The following ADK variants were observed in gnomAD, a reference collection of about 807,000 sequenced individuals.
ADK encodes adenosine kinase, also known as N6,N6-dimethyladenosine kinase.
ADK carries 24 observed loss-of-function variants against 44.7 expected under a neutral mutation model. The observed-to-expected ratio is 0.54, with a 90% confidence interval of 0.39 to 0.76. The LOEUF is 0.76. ADK is among the 30% of genes least tolerant of loss of function. ADK has a pLI of 0.00. For missense variants in ADK, 321 were observed against 425.1 expected, an observed-to-expected ratio of 0.76 and a Z score of 2.15; for synonymous variants, 128 against 142.6, an observed-to-expected ratio of 0.90 and a Z score of 0.73.
chr10:74,219,507 C>T (rs1844205534), intron 2 of ADK, among the ~76,000 whole-genome samples: 1 of 152,188 alleles, frequency 6.6e-6, no homozygotes, highest in Non-Finnish European at 1.5e-5. Flanking sequence ...CTCAGCTCTG[C>T]ACCAAGCAGA....
At chr10:74,206,775 T>C (rs1454940557) in intron 2 of ADK, among the ~76,000 whole-genome samples, 2 of 152,236 alleles carry the variant, frequency 1.3e-5, no homozygotes, top group African/African-American at 4.8e-5. Context: ...TTTGGATCAC[T>C]GTTTTTAAAA....
intron 6 of ADK, among the ~76,000 whole-genome samples, chr10:74,516,389 T>G (rs1848576288): frequency 6.6e-6 from 1 of 152,158 alleles, no homozygotes; most frequent in African/African-American, 2.4e-5. Context: ...CTACTCTTCC[T>G]TCACACTCCA....
intron 3 of ADK, among the ~76,000 whole-genome samples, chr10:74,250,367 A>G (rs1488202806): frequency 6.6e-6 from 1 of 152,196 alleles, no homozygotes; most frequent in African/African-American, 2.4e-5. Flanking sequence ...GTTCTTCATG[A>G]ACACACAGAA....
intron 3 of ADK, among the ~76,000 whole-genome samples, chr10:74,290,297 C>G (rs1445632921): frequency 6.6e-6 from 1 of 151,974 alleles, no homozygotes; most frequent in East Asian, 1.9e-4. Context: ...GTTAGTTTTT[C>G]TTATTGCTCA....
chr10:74,542,996 G>A (rs1324288529), intron 7 of ADK, among the ~76,000 whole-genome samples: 1 of 151,756 alleles, frequency 6.6e-6, no homozygotes, highest in Non-Finnish European at 1.5e-5. Flanking sequence ...CACTTCCCGG[G>A]TTCAAGGGAT....
At position 74,398,403 on chromosome 10, in the gene ADK, T is replaced by C; in HGVS notation, c.447-68T>C. 4.0e-6 allele frequency: 4 copies of C among 1,003,468 alleles called. No individual in the cohort carries two copies. In the South Asian group the frequency reaches 6.7e-5, roughly 17 times the overall value. The allele number at this position is 1,003,468 out of a possible 1,614,324, so 62.2% of individuals were successfully genotyped here. A position where few individuals can be genotyped will look rare whatever the true frequency, so the allele number is the denominator to read the frequency against. On this transcript the variant is annotated intron_variant, in intron 5 of 10. Transcript: ENST00000539909. ...TTTTAAACTTTGCAAAAAATATTGGTAATTATCTATTGAAACATATGCTAA... is the reference window on the plus strand; with the variant it reads ...TTTTAAACTTTGCAAAAAATATTGGCAATTATCTATTGAAACATATGCTAA...
At chr10:74,634,059 ACTT>A (rs1853534066) in intron 9 of ADK, among the ~76,000 whole-genome samples, 1 of 152,172 alleles carries the variant, frequency 6.6e-6, no homozygotes, top group Admixed American at 6.5e-5. Flanking sequence ...GGCTAAAAGA[ACTT>A]AATAAAGATG....
intron 7 of ADK, among the ~76,000 whole-genome samples, chr10:74,575,259 A>G (rs995795104): frequency 4.6e-5 from 7 of 152,216 alleles, no homozygotes; most frequent in African/African-American, 1.7e-4. Flanking sequence ...CTTTGAGGAT[A>G]CTAAATGAAA....
At chr10:74,342,826 G>T (rs188996646) in intron 4 of ADK, among the ~76,000 whole-genome samples, 37 of 114,330 alleles carry the variant, frequency 3.2e-4, no homozygotes, top group Admixed American at 3.1e-3. Context: ...TTTTAATATT[G>T]ATCTTGTATC....
chr10:74,493,842 A>G (rs1847584102), intron 6 of ADK, among the ~76,000 whole-genome samples: 1 of 152,166 alleles, frequency 6.6e-6, no homozygotes, highest in African/African-American at 2.4e-5. Flanking sequence ...CATCTTTGGT[A>G]AGGTCAGAAG....
intron 3 of ADK, among the ~76,000 whole-genome samples, chr10:74,242,974 G>A (rs1845281022): frequency 6.6e-6 from 1 of 152,134 alleles, no homozygotes; most frequent in Non-Finnish European, 1.5e-5. Context: ...TCCTTCAAGT[G>A]TCTGCATCAC....
chr10:74,177,169 C>T (rs1336977887), intron 1 of ADK, among the ~76,000 whole-genome samples: 1 of 152,038 alleles, frequency 6.6e-6, no homozygotes, highest in Non-Finnish European at 1.5e-5. Context: ...AGTGGATTTC[C>T]CATGAAAAAT....
At chr10:74,602,697 G>A (rs1852186165) in intron 9 of ADK, among the ~76,000 whole-genome samples, 1 of 152,166 alleles carries the variant, frequency 6.6e-6, no homozygotes, top group Non-Finnish European at 1.5e-5. Context: ...CACTATATCT[G>A]CAATGCATGA....
chr10:74,520,209 G>A (rs1848750030), intron 6 of ADK, among the ~76,000 whole-genome samples: 1 of 151,922 alleles, frequency 6.6e-6, no homozygotes, highest in African/African-American at 2.4e-5. Flanking sequence ...TCAGGAAGTA[G>A]ATGGACCCAA....
intron 6 of ADK, among the ~76,000 whole-genome samples, chr10:74,494,292 A>G (rs1847600695): frequency 6.6e-6 from 1 of 152,140 alleles, no homozygotes; most frequent in Admixed American, 6.5e-5. Flanking sequence ...ACTTCCTACT[A>G]TGATAAGATA....
intron 3 of ADK, among the ~76,000 whole-genome samples, chr10:74,229,218 G>A (rs1440675906): frequency 6.6e-6 from 1 of 152,052 alleles, no homozygotes; most frequent in African/African-American, 2.4e-5. Context: ...TATGCAATAG[G>A]CATGAACCTT....
intron 6 of ADK, among the ~76,000 whole-genome samples, chr10:74,438,852 T>C (rs1208661394): frequency 1.3e-5 from 2 of 152,218 alleles, no homozygotes; most frequent in South Asian, 2.1e-4. Context: ...TTATCTATTA[T>C]ATATATCATC....
chr10:74,337,366 A>G (rs1841442665), intron 4 of ADK, among the ~76,000 whole-genome samples: 5 of 152,186 alleles, frequency 3.3e-5, no homozygotes, highest in Admixed American at 2.6e-4. Flanking sequence ...TACAGAAGAC[A>G]TTGCACCTGC....
At chr10:74,323,403 C>T (rs375930901) in intron 4 of ADK, among the ~76,000 whole-genome samples, 5 of 152,180 alleles carry the variant, frequency 3.3e-5, no homozygotes, top group South Asian at 4.1e-4. Flanking sequence ...TTCTGACTTA[C>T]GTTCGAATTA....
Sources: gnomAD v4.1 joint callset for allele counts (sites outside exome capture counted in the v4.1 genomes callset) on GRCh38, gnomAD v4.1.1 for gene constraint, MANE v1.5 for transcripts, NCBI Gene and HGNC (gene_info 2026-07-23, HGNC 2026-07-21) for gene names.